Variants in SORCS1 observed in about 807,000 individuals in gnomAD.
The protein encoded by SORCS1 is sortilin related VPS10 domain containing receptor 1, also known as VPS10 domain-containing receptor SorCS1.
SORCS1 carries 60 observed loss-of-function variants against 146.1 expected under a neutral mutation model. That is an observed-to-expected ratio of 0.41 (90% CI 0.33 to 0.51). The LOEUF (loss-of-function observed/expected upper bound fraction) is 0.51. Among genes scored for constraint, SORCS1 ranks in the 20% least tolerant of loss-of-function variants. The pLI, the probability that SORCS1 is intolerant of heterozygous loss-of-function variation, is 0.21. For synonymous variants in SORCS1, 637 were observed against 584.0 expected, an observed-to-expected ratio of 1.09 and a Z score of -1.31; for missense variants, 1,352 against 1,487.6, an observed-to-expected ratio of 0.91 and a Z score of 1.50.
chr10:106,752,539 A>T (rs1230386533), intron 5 of SORCS1, among the ~76,000 whole-genome samples: 5 of 152,234 alleles, frequency 3.3e-5, no homozygotes, highest in African/African-American at 4.8e-5. Flanking sequence ...TTTAGCATAC[A>T]GAATTAGAGT....
chr10:107,101,290 C>T (rs1447151248), intron 1 of SORCS1, among the ~76,000 whole-genome samples: 1 of 152,204 alleles, frequency 6.6e-6, no homozygotes, highest in African/African-American at 2.4e-5. Flanking sequence ...AGGTGATCCA[C>T]CCGCCTTGGC....
At chr10:107,105,804 C>T (rs1965267284) in intron 1 of SORCS1, among the ~76,000 whole-genome samples, 1 of 152,168 alleles carries the variant, frequency 6.6e-6, no homozygotes, top group African/African-American at 2.4e-5. Context: ...CAGACACACC[C>T]AGGAACAATA....
chr10:106,902,947 AG>A (rs1951771271), intron 2 of SORCS1, among the ~76,000 whole-genome samples: 1 of 152,166 alleles, frequency 6.6e-6, no homozygotes, highest in Non-Finnish European at 1.5e-5. Context: ...GTGTGATGGC[AG>A]GTGCCTGTAA....
chr10:106,712,285 C>A (rs1422299498), intron 6 of SORCS1, among the ~76,000 whole-genome samples: 1 of 152,102 alleles, frequency 6.6e-6, no homozygotes, highest in Admixed American at 6.5e-5. Context: ...AGCTGGTCAA[C>A]AGAAAGCAAG....
At chr10:106,843,441 T>TTC (rs1372317239) in intron 2 of SORCS1, among the ~76,000 whole-genome samples, 1 of 147,182 alleles carries the variant, frequency 6.8e-6, no homozygotes, top group East Asian at 2.0e-4. Flanking sequence ...TTTTTTTTTT[T>TTC]TTTTTTGTGA....
intron 1 of SORCS1, among the ~76,000 whole-genome samples, chr10:107,089,947 T>A (rs531834334): frequency 2.6e-5 from 4 of 152,336 alleles, no homozygotes; most frequent in Non-Finnish European, 4.4e-5. Flanking sequence ...GCGGCTCTTT[T>A]CAGACTTAAT....
At chr10:106,916,001 C>T (rs1296595290) in intron 2 of SORCS1, among the ~76,000 whole-genome samples, 4 of 152,104 alleles carry the variant, frequency 2.6e-5, no homozygotes, top group Non-Finnish European at 5.9e-5. Flanking sequence ...ATGGCTCTAT[C>T]GAGACTTCCT....
intron 17 of SORCS1, among the ~76,000 whole-genome samples, chr10:106,662,948 T>C (rs1158222881): frequency 1.3e-5 from 2 of 152,198 alleles, no homozygotes; most frequent in African/African-American, 4.8e-5. Context: ...GATGTGGCAA[T>C]GTCTGATACC....
At chr10:107,014,674 C>T (rs1292412904) in intron 1 of SORCS1, among the ~76,000 whole-genome samples, 1 of 152,136 alleles carries the variant, frequency 6.6e-6, no homozygotes, top group Non-Finnish European at 1.5e-5. Flanking sequence ...TTTAAAAATG[C>T]TGGAGGTGGA....
At chr10:106,778,394 A>C (rs957183212) in intron 3 of SORCS1, among the ~76,000 whole-genome samples, 1 of 152,048 alleles carries the variant, frequency 6.6e-6, no homozygotes, top group East Asian at 1.9e-4. Flanking sequence ...ATTCTGACAA[A>C]GTTATGGATT....
intron 8 of SORCS1, among the ~76,000 whole-genome samples, chr10:106,703,642 G>C (rs750277855): frequency 6.6e-6 from 1 of 152,174 alleles, no homozygotes; most frequent in Non-Finnish European, 1.5e-5. Flanking sequence ...CAATGGTAGT[G>C]GGTGATTAAA....
At chr10:106,833,808 T>C (rs1220864456) in intron 2 of SORCS1, among the ~76,000 whole-genome samples, 1 of 151,022 alleles carries the variant, frequency 6.6e-6, no homozygotes, top group Non-Finnish European at 1.5e-5. Context: ...ATTATTATTA[T>C]TTTGAGACGG....
intron 1 of SORCS1, among the ~76,000 whole-genome samples, chr10:107,045,070 C>A (rs1959249190): frequency 6.6e-6 from 1 of 152,000 alleles, no homozygotes; most frequent in South Asian, 2.1e-4. Flanking sequence ...GGGTATCAGG[C>A]CTTGAGAGAC....
chr10:106,790,458 TG>T (rs773266582), intron 3 of SORCS1, among the ~76,000 whole-genome samples: 1 of 152,186 alleles, frequency 6.6e-6, no homozygotes, highest in African/African-American at 2.4e-5. Context: ...TGTAATCGTG[TG>T]TAAGAAAACA....
chr10:106,765,209 A>C (rs551603200), intron 4 of SORCS1, among the ~76,000 whole-genome samples: 3 of 152,224 alleles, frequency 2.0e-5, no homozygotes, highest in South Asian at 4.1e-4. Context: ...AGTATCTGTG[A>C]CTACATTGCA....
rs115568888 is a variant in SORCS1 at position 106,747,890 on chromosome 10, T to A, written c.959+13698A>T. Among the ~76,000 whole-genome samples, 809 of 152,282 alleles carry A rather than the reference T, an allele frequency of 5.3e-3. 10 individuals carry two copies. Among genetic ancestry groups the A allele is most frequent in the African/African-American group, 0.018 (756 of 41,550 alleles). Reference sequence around the variant, plus strand: ...GATAACTATATATATATGTATCCCATAAATATGTACTATTACGTGTCAATT... The same window carrying A: ...GATAACTATATATATATGTATCCCAAAAATATGTACTATTACGTGTCAATT... On this transcript the variant is annotated intron_variant, in intron 5 of 25. Coordinates refer to ENST00000263054, the MANE Select transcript of SORCS1 (RefSeq NM_052918.5).
At chr10:106,705,175 A>C (rs1340837230) in intron 8 of SORCS1, among the ~76,000 whole-genome samples, 1 of 152,238 alleles carries the variant, frequency 6.6e-6, no homozygotes, top group Non-Finnish European at 1.5e-5. Flanking sequence ...ACATACATAC[A>C]GTTCTGGATA....
chr10:107,067,791 T>C (rs904640230), intron 1 of SORCS1, among the ~76,000 whole-genome samples: 5 of 152,146 alleles, frequency 3.3e-5, no homozygotes, highest in African/African-American at 1.2e-4. Context: ...ATCAGTGAAA[T>C]GGAGATAATA....
At chr10:106,935,469 A>G (rs1195280538) in intron 2 of SORCS1, among the ~76,000 whole-genome samples, 1 of 152,230 alleles carries the variant, frequency 6.6e-6, no homozygotes, top group Non-Finnish European at 1.5e-5. Context: ...GTCTACCTGC[A>G]GTCAACCAAT....
Sources: gnomAD v4.1 joint callset for allele counts (sites outside exome capture counted in the v4.1 genomes callset) on GRCh38, gnomAD v4.1.1 for gene constraint, MANE v1.5 for transcripts, NCBI Gene and HGNC (gene_info 2026-07-23, HGNC 2026-07-21) for gene names.